DIAPH3: variants seen among roughly 807,000 people sequenced by gnomAD.
The protein encoded by DIAPH3 is diaphanous related formin 3, also known as protein diaphanous homolog 3.
DIAPH3 carries 117 observed loss-of-function variants against 144.3 expected under a neutral mutation model. The ratio of observed to expected loss-of-function variants is 0.81; its 90% CI spans 0.70 to 0.95. The LOEUF (loss-of-function observed/expected upper bound fraction) is 0.95, where lower values mean the gene tolerates loss of function less well. Among genes scored for constraint, DIAPH3 ranks in the 40% least tolerant of loss-of-function variants. The pLI, the probability that DIAPH3 is intolerant of heterozygous loss-of-function variation, is 0.00. For synonymous variants in DIAPH3, 519 were observed against 488.9 expected, an observed-to-expected ratio of 1.06 and a Z score of -0.81; for missense variants, 1,421 against 1,412.7, an observed-to-expected ratio of 1.01 and a Z score of -0.09.
chr13:59,704,036 C>A (rs556283683), intron 27 of DIAPH3, among the ~76,000 whole-genome samples: 1 of 152,194 alleles, frequency 6.6e-6, no homozygotes, highest in African/African-American at 2.4e-5. Flanking sequence ...AGGGCACAGG[C>A]CTCCAGGGTT....
intron 4 of DIAPH3, among the ~76,000 whole-genome samples, chr13:60,045,177 C>A (rs2055983725): frequency 1.3e-5 from 2 of 151,906 alleles, no homozygotes; most frequent in Non-Finnish European, 2.9e-5. Context: ...CCCATCTCTA[C>A]TAAAAGTACA....
At chr13:59,680,726 T>C (rs550035521) in intron 27 of DIAPH3, among the ~76,000 whole-genome samples, 1 of 152,112 alleles carries the variant, frequency 6.6e-6, no homozygotes, top group Non-Finnish European at 1.5e-5. Context: ...AGTACACTCA[T>C]TTACAACTAT....
At chr13:59,667,287 G>T (rs572377831) in intron 27 of DIAPH3, among the ~76,000 whole-genome samples, 2 of 152,260 alleles carry the variant, frequency 1.3e-5, no homozygotes, top group East Asian at 3.9e-4. Context: ...CAATATATTT[G>T]CTCACTTGTC....
intron 17 of DIAPH3, among the ~76,000 whole-genome samples, chr13:59,944,344 G>A (rs1251447608): frequency 6.6e-6 from 1 of 152,136 alleles, no homozygotes; most frequent in African/African-American, 2.4e-5. Context: ...GGACAAAACT[G>A]GAATGCATTC....
Position 60,025,295 on chromosome 13 carries a change from G to C in DIAPH3, c.627-9150C>G, listed in dbSNP as rs749308682. 3.5e-4 allele frequency among the ~76,000 whole-genome samples: 52 copies of C among 147,810 alleles called. 1 individual carries two copies. Among genetic ancestry groups the C allele is most frequent in the Non-Finnish European group, 5.6e-4 (38 of 67,648 alleles). On this transcript the variant is annotated intron_variant, in intron 5 of 27. Transcript: ENST00000400324. Reference sequence around the variant, plus strand: ...TCCAAATCTGACAAAAAGGCAGAAAGACAACCCAGCAAACTCACCGCCATA... The same window carrying C: ...TCCAAATCTGACAAAAAGGCAGAAACACAACCCAGCAAACTCACCGCCATA...
At chr13:59,871,388 G>C (rs2044268718) in intron 21 of DIAPH3, among the ~76,000 whole-genome samples, 1 of 152,108 alleles carries the variant, frequency 6.6e-6, no homozygotes, top group Admixed American at 6.5e-5. Context: ...TAGGGAAAAA[G>C]CATCTTGTTC....
chr13:59,925,163 C>T (rs1378844893), intron 17 of DIAPH3, among the ~76,000 whole-genome samples: 1 of 151,998 alleles, frequency 6.6e-6, no homozygotes, highest in African/African-American at 2.4e-5. Flanking sequence ...ATAAGAATAA[C>T]TACAATTAGC....
chr13:60,163,853 C>T lies in DIAPH3; in HGVS notation c.-87G>A. On this transcript the variant is annotated 5_prime_UTR_variant, in exon 1 of 28. Coordinates refer to ENST00000400324, the MANE Select transcript of DIAPH3 (RefSeq NM_001042517.2). ...GCTGAGGGATCGACAACAGGTTTTA[C>T]TCCCGGGGTCCGCCACCCAAACAGT... is the stretch of plus-strand genomic sequence containing the variant. The T allele has an allele frequency of 2.0e-6, 3 of 1,489,038 alleles. No homozygotes were observed. Among genetic ancestry groups the T allele is most frequent in the Non-Finnish European group, 2.7e-6 (3 of 1,113,716 alleles). 92.2% of individuals were successfully genotyped at this position (1,489,038 alleles called of 1,614,324 possible).
At chr13:59,740,216 G>GA (rs1350210958) in intron 27 of DIAPH3, among the ~76,000 whole-genome samples, 1 of 152,136 alleles carries the variant, frequency 6.6e-6, no homozygotes, top group African/African-American at 2.4e-5. Context: ...CCCCATGTAA[G>GA]AACCATTACG....
At chr13:59,682,499 A>C (rs1486670094) in intron 27 of DIAPH3, among the ~76,000 whole-genome samples, 1 of 152,100 alleles carries the variant, frequency 6.6e-6, no homozygotes, top group Non-Finnish European at 1.5e-5. Context: ...AATCTATTTT[A>C]AAGGTTAAAG....
At chr13:59,954,161 C>T (rs1024306563) in intron 17 of DIAPH3, among the ~76,000 whole-genome samples, 3 of 152,106 alleles carry the variant, frequency 2.0e-5, no homozygotes, top group Non-Finnish European at 4.4e-5. Context: ...GTTATGAAGT[C>T]AAAAAGTAAA....
At chr13:59,759,251 G>A (rs1271118838) in intron 27 of DIAPH3, among the ~76,000 whole-genome samples, 1 of 152,136 alleles carries the variant, frequency 6.6e-6, no homozygotes, top group Non-Finnish European at 1.5e-5. Context: ...TGAACCATAT[G>A]GGCCTACAAC....
chr13:59,922,834 C>G (rs73196177), intron 18 of DIAPH3, among the ~76,000 whole-genome samples: 3,576 of 152,142 alleles, frequency 0.024, 69 homozygotes, highest in Non-Finnish European at 0.034. Flanking sequence ...ACAAGGCAAA[C>G]AGGATCTTTC....
chr13:59,890,210 C>G (rs900268329), intron 20 of DIAPH3, among the ~76,000 whole-genome samples: 1 of 152,058 alleles, frequency 6.6e-6, no homozygotes, highest in African/African-American at 2.4e-5. Flanking sequence ...CTGCACAATT[C>G]CTTCCCCATT....
At chr13:59,892,935 C>G (rs2045895644) in intron 20 of DIAPH3, among the ~76,000 whole-genome samples, 1 of 152,014 alleles carries the variant, frequency 6.6e-6, no homozygotes, top group Non-Finnish European at 1.5e-5. Flanking sequence ...CATGCAATCA[C>G]TAATCAAAAT....
At chr13:59,874,010 G>A (rs1037688093) in intron 21 of DIAPH3, among the ~76,000 whole-genome samples, 3 of 152,056 alleles carry the variant, frequency 2.0e-5, no homozygotes, top group Non-Finnish European at 2.9e-5. Flanking sequence ...AAGTTGTTTC[G>A]TTTTTGTCGT....
At chr13:59,820,408 A>G (rs184646550) in intron 24 of DIAPH3, among the ~76,000 whole-genome samples, 81 of 152,058 alleles carry the variant, frequency 5.3e-4, no homozygotes, top group Admixed American at 1.4e-3. Flanking sequence ...TTACATATAT[A>G]TGCACATTGT....
At chr13:59,880,978 CA>C (rs77481523) in intron 20 of DIAPH3, among the ~76,000 whole-genome samples, 327 of 64,804 alleles carry the variant, frequency 5.0e-3, no homozygotes, top group South Asian at 0.015. Flanking sequence ...CAACAAGGAC[CA>C]AAAAAAAAAA....
At chr13:60,094,027 T>G (rs568338639) in intron 3 of DIAPH3, among the ~76,000 whole-genome samples, 17 of 152,352 alleles carry the variant, frequency 1.1e-4, no homozygotes, top group Admixed American at 9.1e-4. Flanking sequence ...GTTGCAGATT[T>G]CTGCCATTCA....
Sources: allele counts gnomAD v4.1 joint callset (sites outside exome capture counted in the v4.1 genomes callset), GRCh38; gene constraint gnomAD v4.1.1; transcripts MANE v1.5; gene names NCBI Gene and HGNC (gene_info 2026-07-23, HGNC 2026-07-21).